FHIT: variants seen among roughly 807,000 people sequenced by gnomAD.
FHIT encodes bis(5'-adenosyl)-triphosphatase.
FHIT carries 19 observed loss-of-function variants against 17.9 expected under a neutral mutation model. The ratio of observed to expected loss-of-function variants is 1.06; its 90% confidence interval spans 0.74 to 1.56. The LOEUF (loss-of-function observed/expected upper bound fraction) is 1.56, where lower values mean the gene tolerates loss of function less well. Among genes scored for constraint, FHIT ranks in the 40% most tolerant of loss-of-function variants. The pLI, the probability that FHIT is intolerant of heterozygous loss-of-function variation, is 0.00. For missense variants in FHIT, 248 were observed against 189.2 expected (o/e 1.31, Z -1.82); for synonymous variants, 81 against 69.7 (o/e 1.16, Z -0.81).
intron 5 of FHIT, among the ~76,000 whole-genome samples, chr3:60,102,366 A>G (rs1704229400): frequency 6.6e-6 from 1 of 152,208 alleles, no homozygotes. Flanking sequence ...AAAGGAACAA[A>G]GACAAAGTTC....
intron 5 of FHIT, among the ~76,000 whole-genome samples, chr3:60,241,731 A>G (rs1705139258): frequency 6.6e-6 from 1 of 152,072 alleles, no homozygotes; most frequent in South Asian, 2.1e-4. Context: ...ATATGAAGAG[A>G]GAAGAGATGA....
At chr3:59,881,617 T>C (rs532954214) in intron 8 of FHIT, among the ~76,000 whole-genome samples, 2 of 152,280 alleles carry the variant, frequency 1.3e-5, no homozygotes, top group African/African-American at 4.8e-5. Flanking sequence ...CAAACTCCAG[T>C]GTAAAAAACT....
At chr3:60,456,205 T>G (rs531894737) in intron 5 of FHIT, among the ~76,000 whole-genome samples, 1 of 152,330 alleles carries the variant, frequency 6.6e-6, no homozygotes, top group African/African-American at 2.4e-5. Context: ...TCACAAATAT[T>G]TTTAAAGTAT....
intron 2 of FHIT, among the ~76,000 whole-genome samples, chr3:61,167,391 C>T (rs1029521060): frequency 7.9e-5 from 12 of 151,410 alleles, no homozygotes; most frequent in African/African-American, 2.9e-4. Flanking sequence ...AATCCCAACA[C>T]TTAGGGAGGC....
At chr3:60,067,038 C>G (rs985526253) in intron 5 of FHIT, among the ~76,000 whole-genome samples, 3 of 152,022 alleles carry the variant, frequency 2.0e-5, no homozygotes, top group Admixed American at 1.3e-4. Context: ...ATCAAAAATT[C>G]TCATGAAGTA....
intron 5 of FHIT, among the ~76,000 whole-genome samples, chr3:60,117,748 G>A (rs371259186): frequency 2.0e-5 from 3 of 152,228 alleles, no homozygotes; most frequent in East Asian, 1.9e-4. Flanking sequence ...TTGGCTGCAA[G>A]GGTAGATGAT....
chr3:60,052,126 A>G (rs1329458287), intron 5 of FHIT, among the ~76,000 whole-genome samples: 1 of 152,176 alleles, frequency 6.6e-6, no homozygotes, highest in Non-Finnish European at 1.5e-5. Context: ...TCCCTTGTAT[A>G]TAAAAAACTT....
At chr3:60,544,309 C>T (rs2036289226) in intron 4 of FHIT, among the ~76,000 whole-genome samples, 1 of 151,700 alleles carries the variant, frequency 6.6e-6, no homozygotes, top group Non-Finnish European at 1.5e-5. Context: ...TTTAATCAAG[C>T]TAAAAATATC....
At chr3:60,051,914 T>C (rs986138006) in intron 5 of FHIT, among the ~76,000 whole-genome samples, 2 of 152,052 alleles carry the variant, frequency 1.3e-5, no homozygotes, top group Admixed American at 6.5e-5. Context: ...GAAACAAAGA[T>C]TGGTTGGGTA....
At chr3:60,624,909 T>G (rs1379314502) in intron 4 of FHIT, among the ~76,000 whole-genome samples, 9 of 148,984 alleles carry the variant, frequency 6.0e-5, no homozygotes, top group African/African-American at 2.3e-4. Context: ...TTTTTTTTGT[T>G]TGTTTGTTTG....
chr3:61,089,206 C>T (rs1333026476), intron 2 of FHIT, among the ~76,000 whole-genome samples: 1 of 152,118 alleles, frequency 6.6e-6, no homozygotes, highest in Non-Finnish European at 1.5e-5. Flanking sequence ...ATTCCCAGCT[C>T]AATATATACA....
chr3:61,218,865 A>T (rs990823666), intron 1 of FHIT, among the ~76,000 whole-genome samples: 10 of 152,314 alleles, frequency 6.6e-5, no homozygotes, highest in East Asian at 1.9e-4. Flanking sequence ...TTACTCACAC[A>T]TTGAAAACCC....
intron 4 of FHIT, among the ~76,000 whole-genome samples, chr3:60,561,950 G>GAGAA (rs2036968253): frequency 6.7e-6 from 1 of 150,068 alleles, no homozygotes; most frequent in Non-Finnish European, 1.5e-5. Context: ...GAGAGAAACA[G>GAGAA]AGAGAGAGAG....
chr3:60,084,890 G>T (rs976160973), intron 5 of FHIT, among the ~76,000 whole-genome samples: 17 of 152,032 alleles, frequency 1.1e-4, no homozygotes, highest in African/African-American at 4.1e-4. Context: ...GGATGGGTTA[G>T]ATGTTATGAT....
intron 3 of FHIT, among the ~76,000 whole-genome samples, chr3:60,840,806 T>C (rs1249011908): frequency 6.6e-6 from 1 of 152,238 alleles, no homozygotes; most frequent in African/African-American, 2.4e-5. Flanking sequence ...CAGTAATGAA[T>C]GAAGTTTTGC....
chr3:60,094,393 G>A (rs1703853759), intron 5 of FHIT, among the ~76,000 whole-genome samples: 1 of 151,860 alleles, frequency 6.6e-6, no homozygotes, highest in Non-Finnish European at 1.5e-5. Context: ...GAAACTCACA[G>A]TTTTAGTGAC....
intron 5 of FHIT, among the ~76,000 whole-genome samples, chr3:60,205,927 T>A (rs531077951): frequency 6.6e-6 from 1 of 151,066 alleles, no homozygotes; most frequent in African/African-American, 2.4e-5. Flanking sequence ...GCTAACACGG[T>A]GAAACCCCGT....
intron 5 of FHIT, among the ~76,000 whole-genome samples, chr3:60,207,259 C>G (rs1054752669): frequency 6.6e-6 from 1 of 151,876 alleles, no homozygotes; most frequent in Admixed American, 6.6e-5. Flanking sequence ...AGAATATTTA[C>G]TTTTAGTTAA....
intron 5 of FHIT, among the ~76,000 whole-genome samples, chr3:60,357,068 T>C (rs947878827): frequency 4.6e-5 from 7 of 152,172 alleles, no homozygotes; most frequent in Admixed American, 3.3e-4. Context: ...TTACGTTTCT[T>C]TCCTTGAGAT....
Sources: allele counts gnomAD v4.1 joint callset (sites outside exome capture counted in the v4.1 genomes callset), GRCh38; gene constraint gnomAD v4.1.1; transcripts MANE v1.5; gene names NCBI Gene and HGNC (gene_info 2026-07-23, HGNC 2026-07-21).